The following ITPK1 variants were observed in gnomAD, a reference collection of about 807,000 sequenced individuals.
ITPK1 encodes the protein inositol-tetrakisphosphate 1-kinase, also known as inositol 1,3,4-trisphosphate 5/6-kinase.
In ITPK1, 21 loss-of-function variants were observed where a neutral mutation model predicts 45.3. That is an observed-to-expected ratio of 0.46 (90% CI 0.33 to 0.67). The LOEUF is 0.67. Ranked by LOEUF, ITPK1 falls within the 30% of genes least tolerant of loss-of-function variation. The pLI, the probability that ITPK1 is intolerant of heterozygous loss-of-function variation, is 0.02. For missense variants in ITPK1, 474 were observed against 573.5 expected (o/e 0.83, Z 1.77); for synonymous variants, 258 against 253.6 (o/e 1.02, Z -0.16).
intron 5 of ITPK1, among the ~76,000 whole-genome samples, chr14:92,979,748 C>T (rs571740699): frequency 8.4e-4 from 128 of 152,152 alleles, no homozygotes; most frequent in African/African-American, 2.9e-3. Flanking sequence ...CCTGCAAAAC[C>T]GTGAGTCAAT....
At chr14:93,040,680 C>A (rs1255366953) in intron 3 of ITPK1, among the ~76,000 whole-genome samples, 1 of 152,136 alleles carries the variant, frequency 6.6e-6, no homozygotes, top group Non-Finnish European at 1.5e-5. Flanking sequence ...GCCCCCCTCT[C>A]CCCCCCGCAG....
At chr14:93,109,967 C>T (rs4905047) in intron 2 of ITPK1, among the ~76,000 whole-genome samples, 3,100 of 152,326 alleles carry the variant, frequency 0.02, 75 homozygotes, top group Admixed American at 0.08. Flanking sequence ...GCAGCGGCCG[C>T]CGCCACTGAC....
At chr14:93,057,372 C>T (rs1890250691) in intron 3 of ITPK1, among the ~76,000 whole-genome samples, 2 of 152,212 alleles carry the variant, frequency 1.3e-5, no homozygotes, top group Admixed American at 6.5e-5. Context: ...TCAAGCAGAT[C>T]GACAAATTCT....
chr14:93,049,266 G>C (rs1254961227), intron 3 of ITPK1, among the ~76,000 whole-genome samples: 2 of 152,244 alleles, frequency 1.3e-5, no homozygotes, highest in Non-Finnish European at 2.9e-5. Flanking sequence ...TGTGTGGAAG[G>C]CCTCCTGCAT....
chr14:93,107,393 C>A (rs1040104249), intron 2 of ITPK1, among the ~76,000 whole-genome samples: 7 of 152,198 alleles, frequency 4.6e-5, no homozygotes, highest in African/African-American at 7.2e-5. Context: ...ATAAGCAGGA[C>A]AATGAGCAAG....
chr14:93,080,368 T>C (rs1891388066), intron 2 of ITPK1, among the ~76,000 whole-genome samples: 2 of 152,234 alleles, frequency 1.3e-5, no homozygotes, highest in African/African-American at 4.8e-5. Context: ...TAACATGTTA[T>C]CAAAAACTGG....
intron 4 of ITPK1, among the ~76,000 whole-genome samples, chr14:93,015,835 C>T (rs915602703): frequency 6.6e-6 from 1 of 152,168 alleles, no homozygotes; most frequent in Non-Finnish European, 1.5e-5. Context: ...ACGGCAGCAC[C>T]GGGTGACTAG....
At chr14:92,997,568 T>C (rs1887120638) in intron 4 of ITPK1, among the ~76,000 whole-genome samples, 1 of 152,210 alleles carries the variant, frequency 6.6e-6, no homozygotes, top group African/African-American at 2.4e-5. Flanking sequence ...TTACCTATTA[T>C]ACTGAGGGCC....
At chr14:93,093,275 G>A (rs1891936706) in intron 2 of ITPK1, among the ~76,000 whole-genome samples, 1 of 152,222 alleles carries the variant, frequency 6.6e-6, no homozygotes, top group Non-Finnish European at 1.5e-5. Flanking sequence ...GGGCAGAGAT[G>A]GGGTGTGCAG....
At chr14:92,982,070 G>A (rs1886262486) in intron 5 of ITPK1, among the ~76,000 whole-genome samples, 1 of 152,260 alleles carries the variant, frequency 6.6e-6, no homozygotes, top group Admixed American at 6.5e-5. Flanking sequence ...GGGGCGACAT[G>A]CCCCAAGACA....
intron 3 of ITPK1, among the ~76,000 whole-genome samples, chr14:93,067,056 C>T (rs903035270): frequency 7.2e-5 from 11 of 152,310 alleles, no homozygotes; most frequent in Non-Finnish European, 1.2e-4. Flanking sequence ...GCTATGGATA[C>T]CTTCACCCCA....
At chr14:93,013,466 G>A (rs1036580733) in intron 4 of ITPK1, among the ~76,000 whole-genome samples, 5 of 152,028 alleles carry the variant, frequency 3.3e-5, no homozygotes, top group Non-Finnish European at 5.9e-5. Context: ...CCTGGGGACC[G>A]GAACTTTCAC....
At chr14:92,992,321 A>T (rs1886827717) in intron 5 of ITPK1, among the ~76,000 whole-genome samples, 1 of 152,222 alleles carries the variant, frequency 6.6e-6, no homozygotes, top group Non-Finnish European at 1.5e-5. Flanking sequence ...CACCCATGGC[A>T]GACTGAGATG....
In ITPK1 at chr14:93,016,684, T is replaced by C. The variant is rs753516519; in HGVS notation, c.238A>G (p.Arg80Gly). The C allele has an allele frequency of 2.5e-6, 4 of 1,614,050 alleles. No homozygotes were observed. The Admixed American group carries it at 6.7e-5, about 27-fold the overall frequency. ...NDSQSLELVH[R>G]FQEYIDAHPE... ...GCATGGTCCTCACTCACCTGGAACC[T>C]GTGCACCAGCTCCAGGGACTGGCTA... Residue 80 changes from arginine (R) to glycine (G), a missense_variant, in exon 4 of 11, where the codon AGG becomes GGG. By Grantham distance (125) the Arg-to-Gly change is moderately radical (BLOSUM62 -2). Coordinates refer to ENST00000267615, the MANE Select transcript of ITPK1 (RefSeq NM_014216.6). This position sits in a 1 kb window ranked among gnomAD's most constrained non-coding sequence, Gnocchi z 5.0.
At chr14:92,982,167 T>C (rs1479599043) in intron 5 of ITPK1, among the ~76,000 whole-genome samples, 1 of 152,188 alleles carries the variant, frequency 6.6e-6, no homozygotes, top group East Asian at 1.9e-4. Flanking sequence ...AAAACCATTG[T>C]ATTACTCAGT....
intron 3 of ITPK1, among the ~76,000 whole-genome samples, chr14:93,055,142 A>G (rs1370168514): frequency 1.3e-5 from 2 of 152,048 alleles, no homozygotes; most frequent in Admixed American, 1.3e-4. Flanking sequence ...GTTCATTCTC[A>G]CTGCTGTATT....
At chr14:92,998,227 G>A (rs1424835158) in intron 4 of ITPK1, among the ~76,000 whole-genome samples, 1 of 152,164 alleles carries the variant, frequency 6.6e-6, no homozygotes, top group African/African-American at 2.4e-5. Context: ...AAAAATGAAA[G>A]GATTCTCATT....
chr14:93,051,244 T>C (rs1016333060), intron 3 of ITPK1, among the ~76,000 whole-genome samples: 2 of 152,194 alleles, frequency 1.3e-5, no homozygotes, highest in East Asian at 1.9e-4. Flanking sequence ...CCAGACACCA[T>C]GGTTTTCAAA....
chr14:92,959,884 T>C (rs1001181712), intron 7 of ITPK1, among the ~76,000 whole-genome samples: 1 of 151,640 alleles, frequency 6.6e-6, no homozygotes, highest in Admixed American at 6.6e-5. Context: ...AGGCCGGGAG[T>C]GCGCGGGCTG....
Sources: allele counts gnomAD v4.1 joint callset (sites outside exome capture counted in the v4.1 genomes callset), GRCh38; gene constraint gnomAD v4.1.1; non-coding constraint Gnocchi (gnomAD v3.1); transcripts MANE v1.5; gene names NCBI Gene and HGNC (gene_info 2026-07-23, HGNC 2026-07-21).